The following NBPF11 variants were observed in gnomAD, a reference collection of about 807,000 sequenced individuals.
The protein encoded by NBPF11 is NBPF family member NBPF11.
In NBPF11, 72 loss-of-function variants were observed where a neutral mutation model predicts 93.9. The observed-to-expected ratio is 0.77, with a 90% CI of 0.63 to 0.93. The LOEUF is 0.93. NBPF11 is among the 40% of genes least tolerant of loss of function. The pLI, the probability that NBPF11 is intolerant of heterozygous loss-of-function variation, is 0.00. For synonymous variants in NBPF11, 224 were observed against 304.9 expected (o/e 0.73, Z 2.76); for missense variants, 705 against 802.2 (o/e 0.88, Z 1.46).
chr1:148,140,131 A>C (rs1260605391), intron 2 of NBPF11, among the ~76,000 whole-genome samples: 1 of 152,054 alleles, frequency 6.6e-6, no homozygotes, highest in Non-Finnish European at 1.5e-5. Context: ...GCAGGCCTAC[A>C]TACAGTCCAC....
At chr1:148,137,271 A>T (rs1204244810) in intron 3 of NBPF11, among the ~76,000 whole-genome samples, 1 of 151,840 alleles carries the variant, frequency 6.6e-6, no homozygotes, top group East Asian at 1.9e-4. Context: ...ATAAGTTGTT[A>T]TTGGTTGAAA....
Position 148,120,598 on chromosome 1 carries a change from G to C in NBPF11, c.891C>G (p.Pro297=), listed in dbSNP as rs1240029409. The C allele has an allele frequency of 6.7e-7, 1 of 1,496,926 alleles. No individual in the cohort carries two copies. Among genetic ancestry groups the C allele is most frequent in the Non-Finnish European group, 9.3e-7 (1 of 1,074,864 alleles). 92.7% of individuals were successfully genotyped at this position (1,496,926 alleles called of 1,614,324 possible). ...NILEINEKLC[P]QLAEKKQQFR... is the part of the protein sequence containing the mutation. ...ACTGCTGTTTCTTCTCTGCCAGCTGGGGGCACAATTTCTCATTGATTTCTA... is the reference window on the plus strand; with the variant it reads ...ACTGCTGTTTCTTCTCTGCCAGCTGCGGGCACAATTTCTCATTGATTTCTA... Residue 297 remains proline (P), a synonymous_variant, in exon 10 of 24, where the codon CCC becomes CCG. Coordinates refer to ENST00000682118, the MANE Select transcript of NBPF11 (RefSeq NM_001385469.3).
chr1:148,126,118 A>G (rs1280570681), intron 5 of NBPF11, among the ~76,000 whole-genome samples: 1 of 151,730 alleles, frequency 6.6e-6, no homozygotes, highest in African/African-American at 2.4e-5. Context: ...CTCCTGCCTC[A>G]GCCTCCCGAT....
At chr1:148,150,728 CT>C (rs543007833) in intron 1 of NBPF11, among the ~76,000 whole-genome samples, 8,646 of 135,024 alleles carry the variant, frequency 0.064, 545 homozygotes, top group African/African-American at 0.18. Context: ...CAAGAAAAGG[CT>C]TTTTTTTTTT....
chr1:148,124,870 G>C (rs782567183), intron 6 of NBPF11, 29 bp downstream of exon 6: 1 of 1,604,456 alleles, frequency 6.2e-7, no homozygotes, highest in South Asian at 1.1e-5. Context: ...ACACCTACCT[G>C]CCTGTCTCCC....
At chr1:148,132,429 T>G (rs1467752961) in intron 4 of NBPF11, among the ~76,000 whole-genome samples, 2 of 150,030 alleles carry the variant, frequency 1.3e-5, no homozygotes, top group Non-Finnish European at 3.0e-5. Flanking sequence ...GGTAGTGAAT[T>G]CATTCACCAT....
intron 17 of NBPF11, 49 bp downstream of exon 17, chr1:148,109,235 T>A: frequency 1.1e-6 from 1 of 883,390 alleles, no homozygotes; most frequent in Non-Finnish European, 1.9e-6. Context: ...GGACTTGGCA[T>A]CTCCAGGTGT....
intron 1 of NBPF11, among the ~76,000 whole-genome samples, chr1:148,150,766 C>T (rs1190584650): frequency 6.7e-5 from 10 of 149,802 alleles, no homozygotes; most frequent in Non-Finnish European, 1.2e-4. Flanking sequence ...CGCTCTGTCA[C>T]CCAGGCTGGA....
intron 4 of NBPF11, 177 bp from the exon 5 acceptor site, chr1:148,127,215 A>G: frequency 3.6e-6 from 1 of 280,280 alleles, no homozygotes; most frequent in South Asian, 2.5e-5. Context: ...GAGGTGCCTC[A>G]ACTCAGAGCT....
At chr1:148,131,984 C>T (rs1670410995) in intron 4 of NBPF11, among the ~76,000 whole-genome samples, 1 of 118,358 alleles carries the variant, frequency 8.4e-6, no homozygotes, top group Non-Finnish European at 1.7e-5. Flanking sequence ...CATTGTTGCA[C>T]TGATTGATCT....
intron 1 of NBPF11, chr1:148,149,548 G>A (rs1318834470): frequency 2.3e-5 from 37 of 1,593,966 alleles, no homozygotes; most frequent in Non-Finnish European, 3.0e-5. Flanking sequence ...CCCAGGAGCT[G>A]CCCAGCCAGC....
chr1:148,144,097 A>G (rs1435765899), intron 1 of NBPF11, among the ~76,000 whole-genome samples: 19 of 151,752 alleles, frequency 1.3e-4, no homozygotes, highest in African/African-American at 4.4e-4. Flanking sequence ...CAAAGTAAGG[A>G]ATATTTGAGG....
intron 15 of NBPF11, among the ~76,000 whole-genome samples, chr1:148,112,015 A>T (rs1665401177): frequency 6.7e-6 from 1 of 148,378 alleles, no homozygotes; most frequent in Admixed American, 6.7e-5. Context: ...AGGTCGGATT[A>T]CCCACAAAGG....
chr1:148,131,996 CCT>C (rs1670413334), intron 4 of NBPF11, among the ~76,000 whole-genome samples: 1 of 118,956 alleles, frequency 8.4e-6, no homozygotes, highest in Admixed American at 8.8e-5. Context: ...GATTGATCTC[CCT>C]GATGACTAAA....
At chr1:148,106,519 T>C (rs1219753135) in intron 20 of NBPF11, among the ~76,000 whole-genome samples, 1 of 138,510 alleles carries the variant, frequency 7.2e-6, no homozygotes, top group Non-Finnish European at 1.5e-5. Context: ...TCAAAGAAAA[T>C]GCCCCAGAGG....
rs57417412 is a variant in NBPF11 at position 148,104,213 on chromosome 1, C to A, written c.2582-301G>T. ...GTAAGGGAGTCAAAGGACACTCTGA[C>A]TTAGTGCCCTCATGACACACAGCAA... On this transcript the variant is annotated intron_variant, in intron 23 of 23. Coordinates refer to ENST00000682118, the MANE Select transcript of NBPF11 (RefSeq NM_001385469.3). 1.7e-4 allele frequency among the ~76,000 whole-genome samples: 22 copies of A among 131,406 alleles called. 1 individual carries two copies. Among genetic ancestry groups the A allele is most frequent in the Non-Finnish European group, 3.4e-4 (21 of 61,978 alleles). The allele number at this position is 131,406 out of a possible 152,430, so 86.2% of individuals were successfully genotyped here. A position where few individuals can be genotyped will look rare whatever the true frequency, so the allele number is the denominator to read the frequency against.
intron 20 of NBPF11, 26 bp from the exon 21 acceptor site, chr1:148,106,258 A>G (rs1663586810): frequency 1.8e-4 from 111 of 627,060 alleles, no homozygotes; most frequent in Non-Finnish European, 8.4e-6. Flanking sequence ...ACAGGGACAG[A>G]CAAAATAAGC....
intron 9 of NBPF11, among the ~76,000 whole-genome samples, chr1:148,121,506 C>T (rs1667849074): frequency 2.0e-5 from 3 of 151,436 alleles, no homozygotes; most frequent in South Asian, 2.1e-4. Context: ...CACCACCGCG[C>T]CCAGCTAATT....
intron 2 of NBPF11, 135 bp downstream of exon 2, chr1:148,143,280 T>G (rs1672487429): frequency 2.1e-6 from 1 of 481,598 alleles, no homozygotes; most frequent in African/African-American, 2.1e-5. Flanking sequence ...TAACATATAT[T>G]TATTTAATAT....
Sources: allele counts gnomAD v4.1 joint callset (sites outside exome capture counted in the v4.1 genomes callset), GRCh38; gene constraint gnomAD v4.1.1; transcripts MANE v1.5; gene names NCBI Gene and HGNC (gene_info 2026-07-23, HGNC 2026-07-21).